Variants in WDR72 observed in about 807,000 individuals in gnomAD.
The protein encoded by WDR72 is WD repeat-containing protein 72.
Under a neutral mutation model 124.2 loss-of-function variants are expected in WDR72, and 120 were observed. That is an observed-to-expected ratio of 0.97 (90% CI 0.83 to 1.12). The LOEUF is 1.12. WDR72 is among the 50% of genes most tolerant of loss of function. The pLI is 0.00. For missense variants in WDR72, 1,387 were observed against 1,278.8 expected, an observed-to-expected ratio of 1.08 and a Z score of -1.29; for synonymous variants, 452 against 441.7, an observed-to-expected ratio of 1.02 and a Z score of -0.29.
intron 1 of WDR72, among the ~76,000 whole-genome samples, chr15:53,750,777 T>G (rs764357827): frequency 2.4e-4 from 36 of 152,112 alleles, no homozygotes; most frequent in Admixed American, 3.3e-4. Context: ...GATTCAAAAT[T>G]CCAGTGGAGG....
intron 17 of WDR72, among the ~76,000 whole-genome samples, chr15:53,606,127 T>A: frequency 6.6e-6 from 1 of 152,138 alleles, no homozygotes; most frequent in African/African-American, 2.4e-5. Context: ...CATAGAACCT[T>A]AAAGGTCTGT....
At chr15:53,555,672 C>T (rs992393828) in intron 18 of WDR72, among the ~76,000 whole-genome samples, 4 of 152,024 alleles carry the variant, frequency 2.6e-5, no homozygotes. Flanking sequence ...ACCCATAATT[C>T]AATTAAATTA....
intron 16 of WDR72, among the ~76,000 whole-genome samples, chr15:53,611,533 A>T (rs1032933722): frequency 6.6e-6 from 1 of 152,138 alleles, no homozygotes; most frequent in Non-Finnish European, 1.5e-5. Context: ...TGGATAACTA[A>T]CCCTAATAAG....
chr15:53,756,510 T>G (rs1236954865), intron 1 of WDR72, among the ~76,000 whole-genome samples: 2 of 152,154 alleles, frequency 1.3e-5, no homozygotes, highest in Non-Finnish European at 2.9e-5. Context: ...ACTGGTTCAG[T>G]AAATTACATC....
At chr15:53,752,276 G>T (rs543409445) in intron 1 of WDR72, among the ~76,000 whole-genome samples, 2 of 152,112 alleles carry the variant, frequency 1.3e-5, no homozygotes, top group African/African-American at 2.4e-5. Context: ...ATATGTTGAA[G>T]CCCTAACTCG....
chr15:53,656,716 A>AT (rs950899020), intron 14 of WDR72, among the ~76,000 whole-genome samples: 13 of 152,066 alleles, frequency 8.5e-5, no homozygotes, highest in African/African-American at 3.1e-4. Context: ...TACAAACATC[A>AT]TTTTTTTCCA....
intron 9 of WDR72, among the ~76,000 whole-genome samples, chr15:53,706,360 A>ATATATATGTGTGTG (rs1555426238): frequency 1.4e-4 from 6 of 42,460 alleles, no homozygotes; most frequent in African/African-American, 4.4e-4. Flanking sequence ...GTATATATAT[A>ATATATATGTGTGTG]TATATATATA....
At chr15:53,536,438 A>C (rs1355192242) in intron 18 of WDR72, among the ~76,000 whole-genome samples, 2 of 152,160 alleles carry the variant, frequency 1.3e-5, no homozygotes, top group Non-Finnish European at 2.9e-5. Context: ...TACTTTCAAC[A>C]ATGAGTCCCA....
At chr15:53,586,535 A>G (rs547756862) in intron 18 of WDR72, among the ~76,000 whole-genome samples, 52 of 152,170 alleles carry the variant, frequency 3.4e-4, no homozygotes, top group African/African-American at 1.2e-3. Context: ...AAATTCTAAG[A>G]TGTACTGTGT....
intron 13 of WDR72, among the ~76,000 whole-genome samples, chr15:53,692,159 C>T (rs748181985): frequency 6.6e-6 from 1 of 152,196 alleles, no homozygotes; most frequent in Non-Finnish European, 1.5e-5. Context: ...CTTATCAGTA[C>T]ACTTGGACAC....
At position 53,712,814 on chromosome 15, in the gene WDR72, A is replaced by G. The variant is rs1255505985; in HGVS notation, c.669T>C (p.Tyr223=). The G allele has an allele frequency of 1.2e-6, 2 of 1,613,676 alleles. No individual in the cohort carries two copies. Among genetic ancestry groups the G allele is most frequent in the South Asian group, 1.1e-5 (1 of 91,040 alleles). Residue 223 remains tyrosine, a synonymous_variant, in exon 7 of 20, where the codon TAT becomes TAC. Coordinates refer to ENST00000360509, the MANE Select transcript of WDR72 (RefSeq NM_182758.4). ...ATACCACCAATAGAAGTCTCTCAGT[A>G]TATGTGCAAAATCGAATTGTCTGGC... The part of the protein sequence containing the change: ...LNCQTIRFCT[Y]TERLLLVVFS...
chr15:53,704,377 T>C (rs2017274927), intron 11 of WDR72, among the ~76,000 whole-genome samples: 1 of 152,232 alleles, frequency 6.6e-6, no homozygotes, highest in Non-Finnish European at 1.5e-5. Flanking sequence ...TATGCTGATA[T>C]GTGCTTGTAC....
chr15:53,562,605 T>A lies in WDR72; in HGVS notation c.3148+34474A>T, dbSNP rs538741802. ...CTTCATTACAAATTTCCTCAAATCA[T>A]TTATGTAAATTGAAAAGTTATGAAT... is the stretch of plus-strand genomic sequence containing the variant. On this transcript the variant is annotated intron_variant, in intron 18 of 19. Coordinates refer to ENST00000360509, the MANE Select transcript of WDR72 (RefSeq NM_182758.4). Among the ~76,000 whole-genome samples, 95 of 151,854 alleles carry A rather than the reference T, an allele frequency of 6.3e-4. 1 individual carries two copies. In the South Asian group the frequency reaches 0.01, roughly 17 times the overall value.
At position 53,615,873 on chromosome 15, in the gene WDR72, A is replaced by C; in HGVS notation, c.2333T>G (p.Met778Arg). ...TACTTTTCTTGATGGCTTAGGCTGCATTTTTTTGGAGATCTTCATTTTCTT... is the reference window on the plus strand; with the variant it reads ...TACTTTTCTTGATGGCTTAGGCTGCCTTTTTTTGGAGATCTTCATTTTCTT... ...RQKKMKISKK[M>R]QPKPSRKVDA... Residue 778 changes from methionine to arginine, a missense_variant, in exon 15 of 20, where the codon ATG becomes AGG. Physicochemically the swap from Met to Arg is moderately conservative, Grantham distance 91. Coordinates refer to ENST00000360509, the MANE Select transcript of WDR72 (RefSeq NM_182758.4). The C allele has an allele frequency of 1.9e-6, 3 of 1,613,486 alleles. No individual in the cohort carries two copies. The highest frequency in any genetic ancestry group is 2.5e-6 in the Non-Finnish European group (3 of 1,179,664).
intron 14 of WDR72, among the ~76,000 whole-genome samples, chr15:53,659,603 TC>T (rs2015542580): frequency 6.6e-6 from 1 of 152,034 alleles, no homozygotes; most frequent in Non-Finnish European, 1.5e-5. Flanking sequence ...GACATGTTCC[TC>T]ATAGTTTTCT....
intron 13 of WDR72, among the ~76,000 whole-genome samples, chr15:53,698,026 A>G (rs1231031106): frequency 6.6e-6 from 1 of 152,126 alleles, no homozygotes; most frequent in African/African-American, 2.4e-5. Flanking sequence ...GTAGGATAGG[A>G]TTATTTGTTT....
chr15:53,531,136 T>G (rs1361673039), intron 18 of WDR72, among the ~76,000 whole-genome samples: 1 of 152,094 alleles, frequency 6.6e-6, no homozygotes, highest in Non-Finnish European at 1.5e-5. Flanking sequence ...AGAACATGTC[T>G]GAGTTACCAT....
At chr15:53,679,793 C>A (rs555180282) in intron 13 of WDR72, among the ~76,000 whole-genome samples, 43 of 152,186 alleles carry the variant, frequency 2.8e-4, no homozygotes, top group Non-Finnish European at 1.2e-4. Flanking sequence ...GCCCACAATT[C>A]CTTATCCAAA....
At chr15:53,559,019 T>TG (rs1263461501) in intron 18 of WDR72, among the ~76,000 whole-genome samples, 1 of 152,064 alleles carries the variant, frequency 6.6e-6, no homozygotes, top group East Asian at 1.9e-4. Context: ...AGGCATACCT[T>TG]GAAGCATCTC....
Sources: gnomAD v4.1 joint callset for allele counts (sites outside exome capture counted in the v4.1 genomes callset) on GRCh38, gnomAD v4.1.1 for gene constraint, MANE v1.5 for transcripts, NCBI Gene and HGNC (gene_info 2026-07-23, HGNC 2026-07-21) for gene names.